The following NR3C1 variants were observed in gnomAD, a reference collection of about 807,000 sequenced individuals.
The protein encoded by NR3C1 is nuclear receptor subfamily 3 group C member 1.
A neutral mutation model predicts 74.0 loss-of-function variants in NR3C1; 14 were observed. That is an observed-to-expected ratio of 0.19 (90% confidence interval 0.12 to 0.30). NR3C1 has a LOEUF of 0.30. NR3C1 is among the 10% of genes least tolerant of loss of function. NR3C1 has a pLI of 1.00. For missense variants in NR3C1, 695 were observed against 909.8 expected, an observed-to-expected ratio of 0.76 and a Z score of 3.04; for synonymous variants, 308 against 332.5, an observed-to-expected ratio of 0.93 and a Z score of 0.80.
chr5:143,287,066 A>G (rs1226751126), intron 7 of NR3C1, among the ~76,000 whole-genome samples: 1 of 152,138 alleles, frequency 6.6e-6, no homozygotes, highest in East Asian at 1.9e-4. Context: ...CAAAAAATGT[A>G]TAGCTTTAAA....
At chr5:143,328,151 A>G (rs1247630413) in intron 2 of NR3C1, among the ~76,000 whole-genome samples, 1 of 152,216 alleles carries the variant, frequency 6.6e-6, no homozygotes, top group Non-Finnish European at 1.5e-5. Context: ...CTGCAGGCCC[A>G]ACACCACGTG....
In NR3C1 at chr5:143,306,433, C is replaced by T. The variant is rs900010263; in HGVS notation, c.1468+3664G>A. The stretch of plus-strand genomic sequence containing the variant: ...GGGTCTGCCAAAGATTCCTGGCATA[C>T]GTACATACCAGGCCAAATAAAGATT... On this transcript the variant is annotated intron_variant, in intron 4 of 8. Coordinates refer to ENST00000394464, the MANE Select transcript of NR3C1 (RefSeq NM_000176.3). 3.9e-5 allele frequency among the ~76,000 whole-genome samples: 6 copies of T among 152,276 alleles called. No homozygotes were observed. The East Asian group carries it at 5.8e-4, about 15-fold the overall frequency.
intron 8 of NR3C1, 67 bp from the exon 9 acceptor site, chr5:143,282,108 G>A (rs1813218108): frequency 1.9e-6 from 3 of 1,573,454 alleles, no homozygotes; most frequent in Non-Finnish European, 2.6e-6. Context: ...CATGTTTGTT[G>A]TCCTCTATTT....
chr5:143,355,883 C>T (rs1172270822), intron 2 of NR3C1, among the ~76,000 whole-genome samples: 1 of 152,016 alleles, frequency 6.6e-6, no homozygotes, highest in Non-Finnish European at 1.5e-5. Context: ...TTTTCCTAAC[C>T]CTGACTGTGA....
chr5:143,299,893 A>T (rs919087495), intron 5 of NR3C1, among the ~76,000 whole-genome samples: 2 of 152,202 alleles, frequency 1.3e-5, no homozygotes, highest in African/African-American at 4.8e-5. Context: ...TCTCTCCCTA[A>T]CTATTTGCGT....
chr5:143,390,613 T>A (rs1838061399), intron 2 of NR3C1, among the ~76,000 whole-genome samples: 1 of 152,192 alleles, frequency 6.6e-6, no homozygotes, highest in African/African-American at 2.4e-5. Flanking sequence ...ACTGTTATCA[T>A]AAAGTTCCTT....
intron 1 of NR3C1, among the ~76,000 whole-genome samples, chr5:143,432,424 G>T (rs1192686722): frequency 6.6e-6 from 1 of 152,146 alleles, no homozygotes; most frequent in Non-Finnish European, 1.5e-5. Context: ...GTCCTGAGGG[G>T]CATCTTTGTG....
chr5:143,377,862 C>T (rs1017475726), intron 2 of NR3C1, among the ~76,000 whole-genome samples: 1 of 152,134 alleles, frequency 6.6e-6, no homozygotes, highest in Non-Finnish European at 1.5e-5. Context: ...ATGAAATTAG[C>T]ATTAATCATT....
intron 2 of NR3C1, among the ~76,000 whole-genome samples, chr5:143,326,578 C>T (rs1283861088): frequency 6.6e-6 from 1 of 151,820 alleles, no homozygotes; most frequent in East Asian, 1.9e-4. Context: ...ATATTCATAC[C>T]ACGATTTTTG....
chr5:143,392,520 T>C (rs930554993), intron 2 of NR3C1, among the ~76,000 whole-genome samples: 8 of 148,514 alleles, frequency 5.4e-5, no homozygotes, highest in African/African-American at 2.0e-4. Flanking sequence ...GGTTTCCTGG[T>C]TTTTTTTTTC....
intron 2 of NR3C1, among the ~76,000 whole-genome samples, chr5:143,354,672 C>T (rs1830797416): frequency 1.3e-5 from 2 of 152,028 alleles, no homozygotes; most frequent in Admixed American, 1.3e-4. Context: ...ACGGTAATCC[C>T]AGCACTTTGG....
chr5:143,293,912 G>C (rs1816529002), intron 7 of NR3C1: 2 of 976,220 alleles, frequency 2.0e-6, no homozygotes, highest in Non-Finnish European at 2.4e-6. Flanking sequence ...TCCAGGCACT[G>C]AATTATACCT....
At chr5:143,430,508 C>T in intron 1 of NR3C1, among the ~76,000 whole-genome samples, 1 of 152,186 alleles carries the variant, frequency 6.6e-6, no homozygotes, top group East Asian at 1.9e-4. Flanking sequence ...CGTTGAAATC[C>T]TAACCCCCAA....
intron 1 of NR3C1, among the ~76,000 whole-genome samples, chr5:143,422,212 C>T (rs971777068): frequency 1.3e-5 from 2 of 152,084 alleles, no homozygotes; most frequent in Non-Finnish European, 2.9e-5. Context: ...CTGAGTTGCC[C>T]ATCAGATCAT....
intron 1 of NR3C1, among the ~76,000 whole-genome samples, chr5:143,414,696 G>T (rs1037315511): frequency 6.6e-6 from 1 of 151,900 alleles, no homozygotes; most frequent in South Asian, 2.1e-4. Context: ...GTCTAAATTT[G>T]TCTTTGTTAT....
intron 2 of NR3C1, among the ~76,000 whole-genome samples, chr5:143,379,811 G>A (rs191303212): frequency 1.6e-4 from 24 of 152,258 alleles, no homozygotes; most frequent in African/African-American, 4.1e-4. Flanking sequence ...CAGCAGATAC[G>A]CTGAATGTGC....
intron 4 of NR3C1, among the ~76,000 whole-genome samples, chr5:143,301,338 G>GA (rs1227705697): frequency 4.6e-5 from 7 of 152,058 alleles, no homozygotes; most frequent in Non-Finnish European, 8.8e-5. Context: ...TCTACCAGTA[G>GA]AAAAAATTCA....
At chr5:143,434,594 C>A in exon 1 of NR3C1, 2 of 985,420 alleles carry the variant, frequency 2.0e-6, no homozygotes, top group Non-Finnish European at 2.4e-6. Flanking sequence ...AGGAGCCAGG[C>A]AGATGAAAAT....
chr5:143,298,583 T>C, intron 6 of NR3C1, 85 bp downstream of exon 6: 2 of 1,427,490 alleles, frequency 1.4e-6, no homozygotes, highest in Non-Finnish European at 2.0e-6. Context: ...AGTCCTGAAT[T>C]ATCACAATAG....
Sources: gnomAD v4.1 joint callset for allele counts (sites outside exome capture counted in the v4.1 genomes callset) on GRCh38, gnomAD v4.1.1 for gene constraint, MANE v1.5 for transcripts, NCBI Gene and HGNC (gene_info 2026-07-23, HGNC 2026-07-21) for gene names.